Variants in SOS1 observed in about 807,000 individuals in gnomAD.
The protein encoded by SOS1 is SOS Ras/Rac guanine nucleotide exchange factor 1, also known as son of sevenless homolog 1.
Under a neutral mutation model 157.6 loss-of-function variants are expected in SOS1, and 25 were observed. That is an observed-to-expected ratio of 0.16 (90% CI 0.12 to 0.22). The LOEUF is 0.22. SOS1 is among the 10% of genes least tolerant of loss of function. The pLI, the probability that SOS1 is intolerant of heterozygous loss-of-function variation, is 1.00. For missense variants in SOS1, 1,237 were observed against 1,599.1 expected, an observed-to-expected ratio of 0.77 and a Z score of 3.86; for synonymous variants, 528 against 534.0, an observed-to-expected ratio of 0.99 and a Z score of 0.16.
At chr2:39,051,571 A>G (rs752785267) in intron 5 of SOS1, among the ~76,000 whole-genome samples, 1 of 152,174 alleles carries the variant, frequency 6.6e-6, no homozygotes, top group East Asian at 1.9e-4. Flanking sequence ...CCTTTTGTTT[A>G]TAACTATGTA....
intron 1 of SOS1, among the ~76,000 whole-genome samples, chr2:39,101,454 G>C (rs1478917650): frequency 2.6e-5 from 4 of 152,058 alleles, no homozygotes; most frequent in Admixed American, 2.6e-4. Context: ...ATCAACTGTT[G>C]AACAACTAGA....
At chr2:39,093,059 T>C (rs1672647123) in intron 1 of SOS1, among the ~76,000 whole-genome samples, 1 of 152,216 alleles carries the variant, frequency 6.6e-6, no homozygotes, top group East Asian at 1.9e-4. Context: ...AAATCAGTTA[T>C]TAATACTACA....
chr2:39,037,998 ATGT>A (rs1020491528), intron 6 of SOS1, among the ~76,000 whole-genome samples: 2 of 152,240 alleles, frequency 1.3e-5, no homozygotes, highest in Non-Finnish European at 2.9e-5. Flanking sequence ...AAGGAGATTA[ATGT>A]TGTTTTCAAG....
chr2:39,082,725 G>T (rs1672251118), intron 1 of SOS1: 1 of 152,108 alleles, frequency 6.6e-6, no homozygotes, highest in Non-Finnish European at 1.5e-5. Flanking sequence ...AGAGCTTAAG[G>T]CCGAAAACAT....
At chr2:39,047,679 T>C (rs1455332017) in intron 6 of SOS1, among the ~76,000 whole-genome samples, 2 of 152,214 alleles carry the variant, frequency 1.3e-5, no homozygotes, top group Non-Finnish European at 2.9e-5. Flanking sequence ...GTTTTTGGGT[T>C]GTTTTCTTTT....
At chr2:39,079,010 A>G (rs1196289955) in intron 1 of SOS1, among the ~76,000 whole-genome samples, 1 of 143,448 alleles carries the variant, frequency 7.0e-6, no homozygotes. Context: ...CAGTGAGCCA[A>G]GATTGCGCCA....
chr2:39,120,874 A>G lies in SOS1; in HGVS notation c.-452T>C, dbSNP rs958802541. ...CGCTCCGCGTAGTTGGGACTCCGAA[A>G]CGCAAGAGCCCCGGGCGGGGCGGAG... On this transcript the variant is annotated 5_prime_UTR_variant, in exon 1 of 23. Coordinates refer to ENST00000402219, the MANE Select transcript of SOS1 (RefSeq NM_005633.4). 2 of 152,564 alleles carry G rather than the reference A, an allele frequency of 1.3e-5. No homozygotes were observed. The highest frequency in any genetic ancestry group is 2.9e-5 in the Non-Finnish European group (2 of 68,152). The allele number at this position is 152,564 out of a possible 1,614,324, so 9.5% of individuals were successfully genotyped here. A position where few individuals can be genotyped will look rare whatever the true frequency, so the allele number is the denominator to read the frequency against.
chr2:39,122,833 C>T (rs1294477159), upstream of SOS1, among the ~76,000 whole-genome samples: 1 of 151,942 alleles, frequency 6.6e-6, no homozygotes, highest in South Asian at 2.1e-4. Flanking sequence ...CCTGAGCCAC[C>T]GCGCCCGGTC....
intron 14 of SOS1, among the ~76,000 whole-genome samples, chr2:39,011,778 G>A (rs1271784018): frequency 1.3e-5 from 2 of 152,164 alleles, no homozygotes; most frequent in Non-Finnish European, 1.5e-5. Flanking sequence ...ACAGCCCCAG[G>A]AGTAGGTACT....
At chr2:39,066,068 T>C (rs7571797) in intron 2 of SOS1, among the ~76,000 whole-genome samples, 5,646 of 152,268 alleles carry the variant, frequency 0.037, 321 homozygotes, top group African/African-American at 0.12. Flanking sequence ...TCATTGGATA[T>C]GCCTGTCTAT....
At chr2:39,057,025 A>T (rs933767833) in intron 3 of SOS1, among the ~76,000 whole-genome samples, 159 bp from the exon 4 acceptor site, 1 of 152,194 alleles carries the variant, frequency 6.6e-6, no homozygotes, top group Non-Finnish European at 1.5e-5. Context: ...ACAATGAATA[A>T]TATATGTATT....
Position 39,120,893 on chromosome 2 carries a change from G to T in SOS1, c.-471C>A. ...TCCGAAACGCAAGAGCCCCGGGCGG[G>T]GCGGAGCTGGGGCGGAGGTCTCGCG... On this transcript the variant is annotated 5_prime_UTR_variant, in exon 1 of 23. Transcript: ENST00000402219. The T allele has an allele frequency of 7.5e-6, 1 of 134,034 alleles. No homozygotes were observed. The highest frequency in any genetic ancestry group is 2.4e-4 in the South Asian group (1 of 4,106). The allele number at this position is 134,034 out of a possible 1,614,324, so 8.3% of individuals were successfully genotyped here. A position where few individuals can be genotyped will look rare whatever the true frequency, so the allele number is the denominator to read the frequency against.
At chr2:39,106,548 G>A (rs1041602005) in intron 1 of SOS1, among the ~76,000 whole-genome samples, 34 of 139,014 alleles carry the variant, frequency 2.4e-4, no homozygotes, top group African/African-American at 9.4e-4. Context: ...CCGAGATCCC[G>A]CCACTGCACT....
rs779219490 is a variant in SOS1 at position 39,020,769 on chromosome 2, A to C, written c.1858+1801T>G. 1.4e-3 allele frequency among the ~76,000 whole-genome samples: 211 copies of C among 151,790 alleles called. 1 individual carries two copies. The highest frequency in any genetic ancestry group is 2.6e-3 in the Non-Finnish European group (176 of 67,714). ...GAATAGCCCAAATAAGCTAACAGTT[A>C]ACACTAATGTGTGTGTACTGTAAAC... On this transcript the variant is annotated intron_variant, in intron 10 of 22. Transcript: ENST00000402219.
At chr2:39,114,452 C>T (rs1160298094) in intron 1 of SOS1, among the ~76,000 whole-genome samples, 12 of 152,120 alleles carry the variant, frequency 7.9e-5, no homozygotes, top group East Asian at 3.9e-4. Context: ...TACAGGCATG[C>T]GCCACCACGC....
chr2:39,053,686 G>A (rs950317642), intron 5 of SOS1, among the ~76,000 whole-genome samples: 2 of 152,062 alleles, frequency 1.3e-5, no homozygotes, highest in Non-Finnish European at 2.9e-5. Flanking sequence ...AATTACCAGT[G>A]TGTAATTCCT....
At chr2:39,007,300 T>C (rs557009420) in intron 15 of SOS1, 107 bp from the exon 16 acceptor site, 8 of 748,976 alleles carry the variant, frequency 1.1e-5, no homozygotes, top group East Asian at 5.2e-5. Flanking sequence ...GGGGTGGCGA[T>C]AGTATAACTA....
At chr2:39,009,275 TGAA>T (rs1669383360) in intron 15 of SOS1, among the ~76,000 whole-genome samples, 1 of 152,056 alleles carries the variant, frequency 6.6e-6, no homozygotes, top group Non-Finnish European at 1.5e-5. Context: ...AATATTAACT[TGAA>T]GATAGAGCCA....
At chr2:39,083,436 C>G (rs1336762009) in intron 1 of SOS1, among the ~76,000 whole-genome samples, 1 of 151,992 alleles carries the variant, frequency 6.6e-6, no homozygotes, top group Non-Finnish European at 1.5e-5. Context: ...TTGCAAAACG[C>G]AAACAGAATA....
Sources: allele counts gnomAD v4.1 joint callset (sites outside exome capture counted in the v4.1 genomes callset), GRCh38; gene constraint gnomAD v4.1.1; transcripts MANE v1.5; gene names NCBI Gene and HGNC (gene_info 2026-07-23, HGNC 2026-07-21).